The following FRMD6 variants were observed in gnomAD, a reference collection of about 807,000 sequenced individuals.
FRMD6 encodes FERM domain-containing protein 6.
FRMD6 carries 37 observed loss-of-function variants against 73.2 expected under a neutral mutation model. The observed-to-expected ratio is 0.51, with a 90% CI of 0.39 to 0.66. FRMD6 has a LOEUF of 0.66. FRMD6 is among the 30% of genes least tolerant of loss of function. FRMD6 has a pLI of 0.00. For synonymous variants in FRMD6, 273 were observed against 282.2 expected, an observed-to-expected ratio of 0.97 and a Z score of 0.33; for missense variants, 714 against 780.5, an observed-to-expected ratio of 0.91 and a Z score of 1.02.
the FRMD6 span, among the ~76,000 whole-genome samples, chr14:51,476,001 C>A: frequency 6.6e-6 from 1 of 152,112 alleles, no homozygotes; most frequent in Non-Finnish European, 1.5e-5. Context: ...TCATCATTTG[C>A]CCCCGGCTAT....
intron 1 of FRMD6, among the ~76,000 whole-genome samples, chr14:51,526,329 T>C (rs1392086254): frequency 6.6e-6 from 1 of 152,220 alleles, no homozygotes; most frequent in African/African-American, 2.4e-5. Flanking sequence ...ACCTCTTTGT[T>C]TGAAGGTTTT....
intron 1 of FRMD6, among the ~76,000 whole-genome samples, chr14:51,673,926 A>G (rs187251128): frequency 1.3e-5 from 2 of 152,300 alleles, no homozygotes; most frequent in Admixed American, 6.5e-5. Flanking sequence ...TAATTGCTTT[A>G]TTCACTAAAG....
the FRMD6 span, among the ~76,000 whole-genome samples, chr14:51,409,391 G>A: frequency 7.9e-6 from 1 of 127,294 alleles, no homozygotes; most frequent in African/African-American, 3.0e-5. Flanking sequence ...TTTCTGGATA[G>A]CTCATCAACT....
At chr14:51,420,288 G>A in the FRMD6 span, among the ~76,000 whole-genome samples, 6 of 152,292 alleles carry the variant, frequency 3.9e-5, no homozygotes, top group Admixed American at 1.3e-4. Flanking sequence ...AATGCAAGAC[G>A]TGGTTAAAAA....
At chr14:51,696,391 G>GTAA (rs1468208641) in intron 2 of FRMD6, among the ~76,000 whole-genome samples, 1 of 150,524 alleles carries the variant, frequency 6.6e-6, no homozygotes, top group African/African-American at 2.4e-5. Context: ...ATTATTATTT[G>GTAA]TAATAATAAT....
chr14:51,693,885 C>T (rs1566571124), intron 2 of FRMD6, among the ~76,000 whole-genome samples: 1 of 152,176 alleles, frequency 6.6e-6, no homozygotes. Context: ...GGCTTCCCCA[C>T]TACCAGAAAA....
At position 51,730,041 on chromosome 14, in the gene FRMD6, G is replaced by A. The variant is rs559905900; in HGVS notation, c.*2012G>A. On this transcript the variant is annotated 3_prime_UTR_variant, in exon 14 of 14. Coordinates refer to ENST00000344768, the MANE Select transcript of FRMD6 (RefSeq NM_001267046.2). ...ACCATTTCTTATGGATGATGCTTAA[G>A]CCTGGTGAGGTTTGTACTCTAAGGA... is the stretch of plus-strand genomic sequence containing the variant. 4.6e-5 allele frequency: 7 copies of A among 152,462 alleles called. No homozygotes were observed. Among genetic ancestry groups the A allele is most frequent in the African/African-American group, 1.4e-4 (6 of 41,576 alleles). The allele number at this position is 152,462 out of a possible 1,614,324, so 9.4% of individuals were successfully genotyped here.
chr14:51,442,389 G>A, the FRMD6 span, among the ~76,000 whole-genome samples: 3 of 149,742 alleles, frequency 2.0e-5, no homozygotes, highest in Admixed American at 1.3e-4. Flanking sequence ...CTCTTTTTTC[G>A]AAGGTTTTAA....
the FRMD6 span, among the ~76,000 whole-genome samples, chr14:51,415,748 C>G: frequency 1.8e-4 from 28 of 152,120 alleles, no homozygotes; most frequent in South Asian, 4.1e-4. Flanking sequence ...CTCTTTGTAC[C>G]TCTGGTAGAA....
At chr14:51,423,177 A>C in the FRMD6 span, among the ~76,000 whole-genome samples, 1 of 152,352 alleles carries the variant, frequency 6.6e-6, no homozygotes, top group East Asian at 1.9e-4. Context: ...TCAGCACATA[A>C]GTCTCAGGAT....
intron 2 of FRMD6, among the ~76,000 whole-genome samples, chr14:51,578,004 C>T (rs61969818): frequency 6.6e-6 from 1 of 152,034 alleles, no homozygotes; most frequent in Non-Finnish European, 1.5e-5. Context: ...AGTTCAGGCA[C>T]GTAAAACACT....
the FRMD6 span, among the ~76,000 whole-genome samples, chr14:51,398,338 G>A: frequency 6.6e-6 from 1 of 151,924 alleles, no homozygotes; most frequent in Non-Finnish European, 1.5e-5. Flanking sequence ...TATTCATTTC[G>A]GTGCACATGT....
chr14:51,492,485 T>A (rs1450046385), intron 1 of FRMD6, among the ~76,000 whole-genome samples: 1 of 152,064 alleles, frequency 6.6e-6, no homozygotes, highest in Non-Finnish European at 1.5e-5. Flanking sequence ...ATGACTCTGG[T>A]TAACTTGAGC....
At chr14:51,657,444 T>C (rs1892913102) in intron 1 of FRMD6, among the ~76,000 whole-genome samples, 1 of 152,240 alleles carries the variant, frequency 6.6e-6, no homozygotes, top group African/African-American at 2.4e-5. Flanking sequence ...TAAACTGTTT[T>C]TGGACTGCAT....
rs944535612 is a variant in FRMD6, at chr14:51,496,310, A to G, written c.-210+6890A>G. 3.9e-5 allele frequency among the ~76,000 whole-genome samples: 6 copies of G among 152,212 alleles called. No individual in the cohort carries two copies. In the East Asian group the frequency reaches 1.2e-3, roughly 29 times the overall value. ...GTTATCTATTGCTGTGGAACGAAGC[A>G]CCCCAAAATATAGTGGCTGAAAACA... On this transcript the variant is annotated intron_variant, in intron 1 of 14. Coordinates refer to the FRMD6 transcript ENST00000356218.
chr14:51,464,088 G>A, the FRMD6 span, among the ~76,000 whole-genome samples: 1 of 152,224 alleles, frequency 6.6e-6, no homozygotes, highest in Non-Finnish European at 1.5e-5. Context: ...GGGATTACAG[G>A]TGTGAGCCAC....
At chr14:51,434,899 G>A in the FRMD6 span, among the ~76,000 whole-genome samples, 5 of 152,230 alleles carry the variant, frequency 3.3e-5, no homozygotes, top group African/African-American at 9.6e-5. Flanking sequence ...TTGCAAAAAA[G>A]TATAATCATG....
chr14:51,565,889 G>A (rs770599872), intron 1 of FRMD6, among the ~76,000 whole-genome samples: 1 of 152,198 alleles, frequency 6.6e-6, no homozygotes, highest in African/African-American at 2.4e-5. Flanking sequence ...CAGTGGCCGG[G>A]CACGGTGGCT....
chr14:51,667,332 A>G (rs1371190202), intron 1 of FRMD6, among the ~76,000 whole-genome samples: 5 of 152,234 alleles, frequency 3.3e-5, no homozygotes, highest in Non-Finnish European at 2.9e-5. Context: ...TTGCAAGCCC[A>G]TAACTGAAAA....
Sources: allele counts gnomAD v4.1 joint callset (sites outside exome capture counted in the v4.1 genomes callset), GRCh38; gene constraint gnomAD v4.1.1; transcripts MANE v1.5; gene names NCBI Gene and HGNC (gene_info 2026-07-23, HGNC 2026-07-21).